Variants in KDM5B observed in about 807,000 individuals in gnomAD.
KDM5B encodes the protein lysine-specific demethylase 5B.
In KDM5B, 144 loss-of-function variants were observed where a neutral mutation model predicts 193.4. That is an observed-to-expected ratio of 0.74 (90% CI 0.65 to 0.86). The LOEUF (loss-of-function observed/expected upper bound fraction) is 0.86. Ranked by LOEUF, KDM5B falls within the 40% of genes least tolerant of loss-of-function variation. The pLI is 0.00. For synonymous variants in KDM5B, 668 were observed against 682.6 expected (o/e 0.98, Z 0.33); for missense variants, 1,833 against 1,886.9 (o/e 0.97, Z 0.53).
intron 4 of KDM5B, among the ~76,000 whole-genome samples, chr1:202,772,185 C>T (rs1656748025): frequency 6.6e-6 from 1 of 152,190 alleles, no homozygotes; most frequent in South Asian, 2.1e-4. Context: ...GGACTCACTG[C>T]TGTAGTCCTA....
At chr1:202,771,142 T>C (rs1339355704) in intron 4 of KDM5B, among the ~76,000 whole-genome samples, 1 of 152,238 alleles carries the variant, frequency 6.6e-6, no homozygotes, top group Non-Finnish European at 1.5e-5. Context: ...TAATCTACTA[T>C]GGGCAACTGT....
intron 24 of KDM5B, 112 bp downstream of exon 24, chr1:202,731,716 T>C: frequency 1.2e-6 from 1 of 818,244 alleles, no homozygotes; most frequent in South Asian, 1.5e-5. Context: ...GCCTATATCC[T>C]ACATTTCAGC....
chr1:202,732,095 T>C (rs1654909579), intron 23 of KDM5B, 156 bp from the exon 24 acceptor site: 1 of 581,182 alleles, frequency 1.7e-6, no homozygotes, highest in Non-Finnish European at 3.0e-6. Flanking sequence ...CTCCTGGCAT[T>C]TCAGAACTGG....
rs369819638 is a variant in KDM5B, at chr1:202,733,601, C to G, written c.3709G>C (p.Ala1237Pro). ...CGAACTCGGATACGCTGAAGGGAGG[C>G]GAGCAGGGGCAGAATTTTCTCTAAT... ...PPLEKILPLL[A>P]SLQRIRVRLP... The change falls in exon 23 of 27, where the codon GCC (alanine) becomes CCC (proline). Residue 1237 changes from alanine (A) to proline (P), a missense_variant. Coordinates refer to ENST00000367265, the MANE Select transcript of KDM5B (RefSeq NM_006618.5). 3.1e-6 allele frequency: 5 copies of G among 1,614,090 alleles called. No individual in the cohort carries two copies. Among genetic ancestry groups the G allele is most frequent in the Non-Finnish European group, 4.2e-6 (5 of 1,180,018 alleles).
intron 16 of KDM5B, among the ~76,000 whole-genome samples, chr1:202,745,299 G>A (rs1186973446): frequency 6.6e-6 from 1 of 152,096 alleles, no homozygotes; most frequent in Non-Finnish European, 1.5e-5. Context: ...TATGTAACAA[G>A]CTTGCACATA....
intron 5 of KDM5B, among the ~76,000 whole-genome samples, chr1:202,765,177 C>T (rs1266506802): frequency 1.3e-5 from 2 of 152,172 alleles, no homozygotes; most frequent in Non-Finnish European, 2.9e-5. Context: ...TCAGTATTTA[C>T]AGAAAATTTT....
chr1:202,737,815 A>G (rs530173953), intron 20 of KDM5B, among the ~76,000 whole-genome samples: 29 of 152,308 alleles, frequency 1.9e-4, no homozygotes, highest in Middle Eastern at 3.4e-3. Flanking sequence ...AGAGATGACA[A>G]TTAGGTGCAA....
chr1:202,775,326 A>C (rs1315479908), intron 2 of KDM5B, among the ~76,000 whole-genome samples: 1 of 150,224 alleles, frequency 6.7e-6, no homozygotes, highest in South Asian at 2.1e-4. Flanking sequence ...TCACGAGGTC[A>C]GGAGTTCGAG....
Position 202,742,656 on chromosome 1 carries a change from T to C in KDM5B, c.2473A>G (p.Arg825Gly). Residue 825 changes from arginine (R) to glycine (G), a missense_variant and splice_region_variant, in exon 17 of 27, where the codon AGA becomes GGA. Transcript: ENST00000367265. Reference sequence around the variant, plus strand: ...ACTCACGCAGTCAGAAGCGCATACCTAGTTTGCCTTTTGCCATTAAGCAAC... The same window carrying C: ...ACTCACGCAGTCAGAAGCGCATACCCAGTTTGCCTTTTGCCATTAAGCAAC... ...QQLLNGKRQT[R>G]YRSGGGKSQN... 6.2e-7 allele frequency: 1 copy of C among 1,613,964 alleles called. No homozygotes were observed. The highest frequency in any genetic ancestry group is 8.5e-7 in the Non-Finnish European group (1 of 1,179,918).
At chr1:202,758,657 G>GA (rs1656116930) in intron 8 of KDM5B, 147 bp from the exon 9 acceptor site, 1 of 505,540 alleles carries the variant, frequency 2.0e-6, no homozygotes, top group Non-Finnish European at 3.2e-6. Context: ...AAACCTGCCT[G>GA]AAAAATGTGG....
chr1:202,773,098 A>C lies in KDM5B; in HGVS notation c.576+20T>G. On this transcript the variant is annotated intron_variant, in intron 4 of 26. Coordinates refer to ENST00000367265, the MANE Select transcript of KDM5B (RefSeq NM_006618.5). ...ATAAGTAGTAAGATAAAACAGGTTA[A>C]GGCTAGCCCCCAAACTTACCCTTAG... 1.9e-6 allele frequency: 3 copies of C among 1,564,346 alleles called. No individual in the cohort carries two copies. The highest frequency in any genetic ancestry group is 1.8e-6 in the Non-Finnish European group (2 of 1,138,196).
chr1:202,780,764 T>A, intron 1 of KDM5B, among the ~76,000 whole-genome samples: 1 of 146,264 alleles, frequency 6.8e-6, no homozygotes, highest in Admixed American at 7.0e-5. Flanking sequence ...TTGGTGCAAA[T>A]GTAATTGCAG....
intron 13 of KDM5B, among the ~76,000 whole-genome samples, chr1:202,750,340 G>T (rs948633211): frequency 1.3e-5 from 2 of 152,040 alleles, no homozygotes; most frequent in Non-Finnish European, 2.9e-5. Flanking sequence ...GTGCAATGGC[G>T]TGATCTTGGC....
chr1:202,762,785 T>C lies in KDM5B; in HGVS notation c.832A>G (p.Lys278Glu). Reference protein sequence around the residue: ...ENEKEMKSSIKQEPIERKDYI... With the variant: ...ENEKEMKSSIEQEPIERKDYI... The stretch of plus-strand genomic sequence containing the variant: ...TCTTTCCTCTCAATAGGTTCTTGCT[T>C]GATGCTACTCTTCATTTCTTTCTCT... Residue 278 changes from lysine (K) to glutamate (E), a missense_variant, in exon 7 of 27, where the codon AAG becomes GAG. This residue lies in a region of KDM5B where 355 missense variants were observed against 374.9 expected (regional missense o/e 0.95). Transcript: ENST00000367265. 1 of 1,606,006 alleles carries C rather than the reference T, an allele frequency of 6.2e-7. No homozygotes were observed. Among genetic ancestry groups the C allele is most frequent in the Non-Finnish European group, 8.5e-7 (1 of 1,172,658 alleles).
chr1:202,784,829 T>C (rs1407196092), intron 1 of KDM5B, among the ~76,000 whole-genome samples: 1 of 151,470 alleles, frequency 6.6e-6, no homozygotes, highest in African/African-American at 2.4e-5. Context: ...AGGCCAGGAG[T>C]TCAAGACCAG....
intron 4 of KDM5B, among the ~76,000 whole-genome samples, chr1:202,769,009 C>G (rs1234893331): frequency 1.3e-5 from 2 of 150,998 alleles, no homozygotes; most frequent in Non-Finnish European, 2.9e-5. Context: ...CCACTGCACC[C>G]GGCCTACGGC....
intron 1 of KDM5B, among the ~76,000 whole-genome samples, chr1:202,784,464 G>C (rs570644902): frequency 6.6e-6 from 1 of 152,138 alleles, no homozygotes; most frequent in African/African-American, 2.4e-5. Flanking sequence ...AATCTTTCAG[G>C]TGAGGATGAC....
chr1:202,794,399 T>C (rs994049537), intron 1 of KDM5B, among the ~76,000 whole-genome samples: 3 of 152,204 alleles, frequency 2.0e-5, no homozygotes, highest in South Asian at 2.1e-4. Flanking sequence ...TAAGAATATG[T>C]GCTTAATGAA....
chr1:202,732,425 C>T (rs1654920871), intron 23 of KDM5B, among the ~76,000 whole-genome samples: 1 of 152,134 alleles, frequency 6.6e-6, no homozygotes, highest in South Asian at 2.1e-4. Context: ...AGAGTTGTGT[C>T]CTTTCCCTTT....
Sources: gnomAD v4.1 joint callset for allele counts (sites outside exome capture counted in the v4.1 genomes callset) on GRCh38, gnomAD v4.1.1 for gene constraint, gnomAD v4.1.1 regional missense constraint, MANE v1.5 for transcripts, NCBI Gene and HGNC (gene_info 2026-07-23, HGNC 2026-07-21) for gene names.